Variants in CNTN1 observed in about 807,000 individuals in gnomAD.
CNTN1 encodes contactin-1.
A neutral mutation model predicts 126.4 loss-of-function variants in CNTN1; 38 were observed. That is an observed-to-expected ratio of 0.30 (90% CI 0.23 to 0.39). CNTN1 has a LOEUF of 0.39. Among genes scored for constraint, CNTN1 ranks in the 10% least tolerant of loss-of-function variants. CNTN1 has a pLI of 1.00. For synonymous variants in CNTN1, 413 were observed against 422.6 expected, an observed-to-expected ratio of 0.98 and a Z score of 0.28; for missense variants, 1,009 against 1,248.4, an observed-to-expected ratio of 0.81 and a Z score of 2.89.
intron 1 of CNTN1, among the ~76,000 whole-genome samples, chr12:40,747,305 A>ATGTGTGTGTGTGTGTGTGTGTG (rs58826763): frequency 3.4e-5 from 5 of 148,250 alleles, no homozygotes; most frequent in African/African-American, 1.0e-4. Flanking sequence ...TTGTGAAGGG[A>ATGTGTGTGTGTGTGTGTGTGTG]TGTGTGTGTG....
intron 1 of CNTN1, among the ~76,000 whole-genome samples, chr12:40,891,316 TCTC>T (rs992589186): frequency 6.6e-6 from 1 of 152,194 alleles, no homozygotes; most frequent in African/African-American, 2.4e-5. Flanking sequence ...TGGCTTGTCT[TCTC>T]CTTCTCTTGA....
intron 1 of CNTN1, among the ~76,000 whole-genome samples, chr12:40,727,875 G>A (rs906604396): frequency 1.3e-5 from 2 of 152,196 alleles, no homozygotes; most frequent in South Asian, 4.1e-4. Context: ...ATGCATTTGA[G>A]TGGGATGAGA....
chr12:40,725,505 C>T (rs1942330812), intron 1 of CNTN1, among the ~76,000 whole-genome samples: 1 of 151,406 alleles, frequency 6.6e-6, no homozygotes, highest in Non-Finnish European at 1.5e-5. Context: ...AAATCTTTTC[C>T]CAGCCCAGCC....
At chr12:41,006,941 A>T (rs990513722) in intron 17 of CNTN1, among the ~76,000 whole-genome samples, 1 of 152,158 alleles carries the variant, frequency 6.6e-6, no homozygotes, top group Admixed American at 6.5e-5. Context: ...TACAAATCCA[A>T]TAAGGTACAG....
At chr12:40,949,895 G>C (rs150266674) in intron 14 of CNTN1, among the ~76,000 whole-genome samples, 1 of 150,792 alleles carries the variant, frequency 6.6e-6, no homozygotes, top group African/African-American at 2.4e-5. Flanking sequence ...TGTTGAACAA[G>C]AAGGTTAAGA....
At chr12:40,766,559 G>T (rs1307643679) in intron 1 of CNTN1, among the ~76,000 whole-genome samples, 1 of 152,072 alleles carries the variant, frequency 6.6e-6, no homozygotes, top group African/African-American at 2.4e-5. Context: ...CCTTTAAAAG[G>T]GGTGGAGGGT....
intron 17 of CNTN1, among the ~76,000 whole-genome samples, chr12:40,994,891 C>T (rs1046239871): frequency 1.3e-5 from 2 of 151,946 alleles, no homozygotes; most frequent in African/African-American, 2.4e-5. Flanking sequence ...GAGAAGCCGA[C>T]TTTGAGAAAA....
chr12:40,992,362 TA>T (rs1948115920), intron 16 of CNTN1, among the ~76,000 whole-genome samples: 3 of 152,270 alleles, frequency 2.0e-5, no homozygotes, highest in African/African-American at 7.2e-5. Flanking sequence ...TATTGCGTCA[TA>T]GACAAGCCTA....
At chr12:41,037,464 G>C (rs1289268915) in intron 23 of CNTN1, among the ~76,000 whole-genome samples, 2 of 151,966 alleles carry the variant, frequency 1.3e-5, no homozygotes, top group Non-Finnish European at 2.9e-5. Context: ...ATGCTGTGGA[G>C]GTCTGTATCC....
rs143141997 is a variant in CNTN1 at position 40,745,763 on chromosome 12, A to G, written c.-77+53171A>G. The stretch of plus-strand genomic sequence containing the variant: ...AAGACAACTTTGCAGGGCTATTTTA[A>G]GATATGGCAAAGAAACATATTCGGG... On this transcript the variant is annotated intron_variant, in intron 1 of 23. Coordinates refer to ENST00000551295, the MANE Select transcript of CNTN1 (RefSeq NM_001843.4). 2.6e-5 allele frequency among the ~76,000 whole-genome samples: 4 copies of G among 152,308 alleles called. No homozygotes were observed. The East Asian group carries it at 7.7e-4, about 29-fold the overall frequency.
intron 17 of CNTN1, among the ~76,000 whole-genome samples, chr12:40,999,071 C>T (rs1948289766): frequency 6.6e-6 from 1 of 152,036 alleles, no homozygotes; most frequent in Admixed American, 6.5e-5. Flanking sequence ...ATTATTTAAG[C>T]ATTCAGATCT....
At chr12:40,937,818 T>C (rs550631445) in intron 11 of CNTN1, 131 bp downstream of exon 11, 25 of 697,518 alleles carry the variant, frequency 3.6e-5, no homozygotes, top group Non-Finnish European at 5.8e-5. Context: ...TGTTTACTGA[T>C]TTATTTATTG....
chr12:40,737,737 G>A (rs1402456610), intron 1 of CNTN1, among the ~76,000 whole-genome samples: 1 of 151,878 alleles, frequency 6.6e-6, no homozygotes, highest in Non-Finnish European at 1.5e-5. Flanking sequence ...CAATCAAGTT[G>A]ACACTCAGTA....
At chr12:41,068,213 G>T (rs900605719) in intron 23 of CNTN1, among the ~76,000 whole-genome samples, 14 of 152,096 alleles carry the variant, frequency 9.2e-5, no homozygotes, top group Admixed American at 1.3e-4. Flanking sequence ...ACCTGACTCA[G>T]TTACAAAATA....
intron 1 of CNTN1, among the ~76,000 whole-genome samples, chr12:40,735,664 A>G (rs1473510061): frequency 1.3e-5 from 2 of 152,146 alleles, no homozygotes; most frequent in Non-Finnish European, 2.9e-5. Context: ...AGGGATATCT[A>G]TAATCTTGAA....
chr12:40,800,981 G>C (rs1314765682), intron 1 of CNTN1, among the ~76,000 whole-genome samples: 2 of 148,890 alleles, frequency 1.3e-5, no homozygotes, highest in African/African-American at 5.0e-5. Flanking sequence ...AGTCAGAGCA[G>C]AATGTGGGTA....
At chr12:40,753,466 T>G (rs1592049667) in intron 1 of CNTN1, among the ~76,000 whole-genome samples, 1 of 152,110 alleles carries the variant, frequency 6.6e-6, no homozygotes, top group Non-Finnish European at 1.5e-5. Flanking sequence ...CAGTTCCACG[T>G]GGCTGGGGAG....
intron 1 of CNTN1, among the ~76,000 whole-genome samples, chr12:40,886,459 G>A (rs1025502940): frequency 1.3e-5 from 2 of 152,108 alleles, no homozygotes; most frequent in Non-Finnish European, 2.9e-5. Context: ...CGTAGATTCT[G>A]GATATTAGCC....
At chr12:40,720,223 ATATT>A (rs1243102334) in intron 1 of CNTN1, among the ~76,000 whole-genome samples, 1 of 151,842 alleles carries the variant, frequency 6.6e-6, no homozygotes, top group African/African-American at 2.4e-5. Flanking sequence ...ATTTTCACCT[ATATT>A]TATCTCTAAA....
Sources: allele counts gnomAD v4.1 joint callset (sites outside exome capture counted in the v4.1 genomes callset), GRCh38; gene constraint gnomAD v4.1.1; transcripts MANE v1.5; gene names NCBI Gene and HGNC (gene_info 2026-07-23, HGNC 2026-07-21).